FARP2: variants seen among roughly 807,000 people sequenced by gnomAD.
FARP2 encodes the protein FERM, ARHGEF and pleckstrin domain-containing protein 2.
Under a neutral mutation model 130.5 loss-of-function variants are expected in FARP2, and 111 were observed. That is an observed-to-expected ratio of 0.85 (90% CI 0.73 to 1.00). FARP2 has a LOEUF of 1.00. Among genes scored for constraint, FARP2 ranks in the 50% least tolerant of loss-of-function variants. FARP2 has a pLI of 0.00. For missense variants in FARP2, 1,385 were observed against 1,346.3 expected (o/e 1.03, Z -0.45); for synonymous variants, 504 against 516.9 (o/e 0.98, Z 0.34).
chr2:241,454,149 A>G (rs927507559), intron 13 of FARP2, among the ~76,000 whole-genome samples: 1 of 152,034 alleles, frequency 6.6e-6, no homozygotes, highest in African/African-American at 2.4e-5. Context: ...TTGCAACCCC[A>G]GCAGCGTCAT....
chr2:241,435,030 G>T lies in FARP2; in HGVS notation c.1100G>T (p.Arg367Ile). ...GGAATGAAGAGAATTCCATATGAAAGGTAAGCTCTGGCCTTTATGATGTAA... is the reference window on the plus strand; with the variant it reads ...GGAATGAAGAGAATTCCATATGAAATGTAAGCTCTGGCCTTTATGATGTAA... ...DSGMKRIPYE[R>I]RHSKTHTSVR... Residue 367 changes from arginine to isoleucine, a missense_variant and splice_region_variant, in exon 11 of 27, where the codon AGA (arginine) becomes ATA (isoleucine). By Grantham distance (97) the Arg-to-Ile change is moderately conservative. Transcript: ENST00000264042. The T allele has an allele frequency of 6.4e-7, 1 of 1,563,998 alleles. No individual in the cohort carries two copies. Among genetic ancestry groups the T allele is most frequent in the African/African-American group, 1.4e-5 (1 of 73,516 alleles).
At position 241,467,375 on chromosome 2, in the gene FARP2, G is replaced by A. The variant is rs181107098; in HGVS notation, c.1894-765G>A. Among the ~76,000 whole-genome samples the A allele has an allele frequency of 1.3e-3, 202 of 152,294 alleles. 1 individual carries two copies. Among genetic ancestry groups the A allele is most frequent in the African/African-American group, 4.4e-3 (184 of 41,550 alleles). On this transcript the variant is annotated intron_variant, in intron 17 of 26. Transcript: ENST00000264042. The stretch of plus-strand genomic sequence containing the variant: ...AATCATCAGATATGGGCCAGGCATA[G>A]TGGTTCAAACCTGTAATCCCAGCAC...
chr2:241,475,781 TG>T lies in FARP2; in HGVS notation c.2132-75del. Reference sequence around the variant, plus strand: ...AACTGCCTTTTAGAATGCTGGTTCCTGTCACAAGGTGGTGGGTGGAGGGTGC... The same window carrying T: ...AACTGCCTTTTAGAATGCTGGTTCCTTCACAAGGTGGTGGGTGGAGGGTGC... On this transcript the variant is annotated intron_variant, in intron 18 of 26. Transcript: ENST00000264042. The surrounding 1 kb of genome is among the most constrained non-coding windows in gnomAD (Gnocchi z 4.4). 7.6e-7 allele frequency: 1 copy of T among 1,324,214 alleles called. No homozygotes were observed. The highest frequency in any genetic ancestry group is 1.0e-6 in the Non-Finnish European group (1 of 998,220). The allele number at this position is 1,324,214 out of a possible 1,614,324, so 82.0% of individuals were successfully genotyped here.
chr2:241,409,771 G>A (rs1048028420), intron 5 of FARP2, among the ~76,000 whole-genome samples: 2 of 152,082 alleles, frequency 1.3e-5, no homozygotes, highest in Non-Finnish European at 2.9e-5. Flanking sequence ...GCATGCTGTG[G>A]ACATTTTTCC....
chr2:241,357,314 T>C (rs927809147), intron 1 of FARP2, among the ~76,000 whole-genome samples: 1 of 152,088 alleles, frequency 6.6e-6, no homozygotes, highest in African/African-American at 2.4e-5. Context: ...TGGGTTAGCG[T>C]GTTGGTCTTG....
intron 22 of FARP2, among the ~76,000 whole-genome samples, chr2:241,490,433 G>A (rs976579651): frequency 1.4e-5 from 2 of 145,730 alleles, no homozygotes; most frequent in Admixed American, 1.3e-4. Context: ...CCCCAACAGG[G>A]CAGCTTACAC....
At position 241,373,243 on chromosome 2, in the gene FARP2, C is replaced by T. The variant is rs768704929; in HGVS notation, c.136C>T (p.Leu46Phe). ...LPRMQEKHLHLRVKLLDNTME... is the reference protein window; with the variant it reads ...LPRMQEKHLHFRVKLLDNTME... ...CAGAATGCAAGAGAAGCACCTGCACCTCAGAGTAAAGCTGCTGGACAACAC... is the reference window on the plus strand; with the variant it reads ...CAGAATGCAAGAGAAGCACCTGCACTTCAGAGTAAAGCTGCTGGACAACAC... Residue 46 changes from leucine to phenylalanine, a missense_variant, in exon 2 of 27, where the codon CTC becomes TTC. Transcript: ENST00000264042. The T allele has an allele frequency of 1.3e-6, 2 of 1,545,526 alleles. No homozygotes were observed. The highest frequency in any genetic ancestry group is 1.8e-6 in the Non-Finnish European group (2 of 1,139,292).
chr2:241,407,033 C>T (rs966387192), intron 4 of FARP2, among the ~76,000 whole-genome samples: 22 of 152,036 alleles, frequency 1.4e-4, no homozygotes, highest in Middle Eastern at 3.2e-3. Flanking sequence ...TGGTCTCGAT[C>T]TCCTGACCTT....
At chr2:241,402,516 A>G (rs937627209) in intron 2 of FARP2, among the ~76,000 whole-genome samples, 12 of 152,110 alleles carry the variant, frequency 7.9e-5, no homozygotes, top group Admixed American at 5.2e-4. Flanking sequence ...ACTTTTATTT[A>G]AGTCAAGTCT....
At chr2:241,378,690 G>T (rs2061596139) in intron 2 of FARP2, among the ~76,000 whole-genome samples, 1 of 152,146 alleles carries the variant, frequency 6.6e-6, no homozygotes, top group African/African-American at 2.4e-5. Flanking sequence ...GATTATAGGT[G>T]TGAGCTACCA....
intron 4 of FARP2, among the ~76,000 whole-genome samples, chr2:241,406,762 C>T (rs191300273): frequency 2.0e-4 from 30 of 151,974 alleles, no homozygotes; most frequent in Non-Finnish European, 3.4e-4. Flanking sequence ...CTGCACCCAG[C>T]CTATTTAAAT....
In FARP2 at chr2:241,492,789, G is replaced by A. The variant is rs570721538; in HGVS notation, c.2788-140G>A. On this transcript the variant is annotated intron_variant, in intron 24 of 26. Coordinates refer to ENST00000264042, the MANE Select transcript of FARP2 (RefSeq NM_014808.4). Reference sequence around the variant, plus strand: ...GTTGGACTTAAGTACTGATAAAGCTGCTGTTCATAGCAGTCCAGAGGTAAA... The same window carrying A: ...GTTGGACTTAAGTACTGATAAAGCTACTGTTCATAGCAGTCCAGAGGTAAA... 9 of 594,094 alleles carry A rather than the reference G, an allele frequency of 1.5e-5. No homozygotes were observed. In the East Asian group the frequency reaches 2.5e-4, roughly 16 times the overall value. 36.8% of individuals were successfully genotyped at this position (594,094 alleles called of 1,614,324 possible).
chr2:241,447,928 C>T (rs1261412974), intron 13 of FARP2, among the ~76,000 whole-genome samples: 1 of 152,166 alleles, frequency 6.6e-6, no homozygotes, highest in Admixed American at 6.5e-5. Context: ...GTGGTGCCTC[C>T]CCGGGGCTCT....
At chr2:241,443,373 G>A (rs2063438205) in intron 13 of FARP2, 1 of 152,394 alleles carries the variant, frequency 6.6e-6, no homozygotes, top group Admixed American at 6.5e-5. Context: ...ACTTATGTAA[G>A]TTTGAGCTGT....
intron 9 of FARP2, among the ~76,000 whole-genome samples, chr2:241,433,340 C>T (rs946847435): frequency 1.3e-5 from 2 of 152,140 alleles, no homozygotes; most frequent in African/African-American, 4.8e-5. Context: ...GGGTAACATA[C>T]ATCAGCAGGT....
At chr2:241,397,831 CTTTT>C (rs397868255) in intron 2 of FARP2, among the ~76,000 whole-genome samples, 4 of 122,636 alleles carry the variant, frequency 3.3e-5, no homozygotes, top group Non-Finnish European at 5.0e-5. Flanking sequence ...ACCTTTTTTC[CTTTT>C]TTTTTTTTTT....
chr2:241,438,623 T>G (rs1330139694), intron 12 of FARP2, among the ~76,000 whole-genome samples: 18 of 149,192 alleles, frequency 1.2e-4, no homozygotes, highest in African/African-American at 4.5e-4. Context: ...ACTCTCTGGT[T>G]TTTTTTTTTT....
chr2:241,484,206 G>A, intron 20 of FARP2, 36 bp from the exon 21 acceptor site: 1 of 1,613,416 alleles, frequency 6.2e-7, no homozygotes, highest in South Asian at 1.1e-5. Flanking sequence ...ACACTTGTTT[G>A]TGAAGTTCAT....
chr2:241,484,640 G>C (rs1339293210), intron 21 of FARP2, among the ~76,000 whole-genome samples: 1 of 152,228 alleles, frequency 6.6e-6, no homozygotes, highest in Non-Finnish European at 1.5e-5. Flanking sequence ...CGCAAGCTTA[G>C]AGTCAGCCTC....
Sources: gnomAD v4.1 joint callset for allele counts (sites outside exome capture counted in the v4.1 genomes callset) on GRCh38, gnomAD v4.1.1 for gene constraint, Gnocchi (gnomAD v3.1) non-coding constraint, MANE v1.5 for transcripts, NCBI Gene and HGNC (gene_info 2026-07-23, HGNC 2026-07-21) for gene names.